Variants in PCDH15 observed in about 807,000 individuals in gnomAD.
PCDH15 encodes the protein protocadherin-15.
In PCDH15, 129 loss-of-function variants were observed where a neutral mutation model predicts 178.5. The observed-to-expected ratio is 0.72, with a 90% CI of 0.63 to 0.84. The LOEUF (loss-of-function observed/expected upper bound fraction) is 0.84, where lower values mean the gene tolerates loss of function less well. Ranked by LOEUF, PCDH15 falls within the 40% of genes least tolerant of loss-of-function variation. The pLI is 0.00. For synonymous variants in PCDH15, 800 were observed against 732.0 expected (o/e 1.09, Z -1.50); for missense variants, 2,230 against 2,099.9 (o/e 1.06, Z -1.21).
intron 2 of PCDH15, among the ~76,000 whole-genome samples, chr10:55,570,918 C>T (rs1467496758): frequency 6.6e-6 from 1 of 151,932 alleles, no homozygotes; most frequent in African/African-American, 2.4e-5. Context: ...TTTAGTTGTT[C>T]CCCATGTTAA....
At chr10:54,329,516 C>T in intron 7 of PCDH15, 80 bp downstream of exon 7, 2 of 1,057,320 alleles carry the variant, frequency 1.9e-6, no homozygotes, top group Admixed American at 3.4e-5. Flanking sequence ...CAGAGCTCTC[C>T]AAGAGTATCT....
At chr10:55,073,252 A>T (rs1841798409) in intron 2 of PCDH15, among the ~76,000 whole-genome samples, 2 of 152,182 alleles carry the variant, frequency 1.3e-5, no homozygotes, top group African/African-American at 4.8e-5. Context: ...TGGCTAGGGC[A>T]ATTAGGCAGG....
At chr10:54,148,336 A>G (rs12243886) in intron 14 of PCDH15, among the ~76,000 whole-genome samples, 2,349 of 152,212 alleles carry the variant, frequency 0.015, 75 homozygotes, top group African/African-American at 0.054. Context: ...ATCTGCAGAT[A>G]ATCAAGGCCC....
intron 2 of PCDH15, among the ~76,000 whole-genome samples, chr10:55,365,683 C>A (rs2131983482): frequency 6.6e-6 from 1 of 152,152 alleles, no homozygotes; most frequent in East Asian, 1.9e-4. Flanking sequence ...GGGGAGTTCC[C>A]CTGCACAAGC....
At chr10:54,994,051 C>T (rs1839575988) in intron 2 of PCDH15, among the ~76,000 whole-genome samples, 1 of 152,006 alleles carries the variant, frequency 6.6e-6, no homozygotes, top group Non-Finnish European at 1.5e-5. Context: ...AAGTTTTAAA[C>T]CCAGATGTCA....
intron 1 of PCDH15, among the ~76,000 whole-genome samples, chr10:55,282,075 T>G (rs200740857): frequency 6.6e-6 from 1 of 152,162 alleles, no homozygotes; most frequent in Non-Finnish European, 1.5e-5. Context: ...GTTTTAAAAA[T>G]GCAAATTCAA....
chr10:55,460,533 C>T (rs1000542756), intron 2 of PCDH15, among the ~76,000 whole-genome samples: 1 of 151,950 alleles, frequency 6.6e-6, no homozygotes, highest in Non-Finnish European at 1.5e-5. Context: ...TCACCGGACG[C>T]GTTTTGGTTT....
chr10:55,580,729 C>A (rs764374550), intron 2 of PCDH15, among the ~76,000 whole-genome samples: 11 of 152,140 alleles, frequency 7.2e-5, no homozygotes, highest in Non-Finnish European at 1.3e-4. Context: ...AAATCTATTT[C>A]TAATCTAATA....
intron 2 of PCDH15, among the ~76,000 whole-genome samples, chr10:55,486,516 A>G (rs938417223): frequency 5.9e-5 from 9 of 151,670 alleles, no homozygotes; most frequent in Non-Finnish European, 1.3e-4. Flanking sequence ...AAAACACACA[A>G]TAAAATTATG....
At chr10:54,171,185 C>T (rs186688270) in intron 13 of PCDH15, among the ~76,000 whole-genome samples, 2,073 of 152,120 alleles carry the variant, frequency 0.014, 47 homozygotes, top group African/African-American at 0.048. Context: ...TTAGTCAAAT[C>T]AGCCAAGCAG....
intron 1 of PCDH15, among the ~76,000 whole-genome samples, chr10:55,174,380 T>C (rs1041703149): frequency 6.6e-6 from 1 of 152,166 alleles, no homozygotes; most frequent in Non-Finnish European, 1.5e-5. Flanking sequence ...ATCCTCATCT[T>C]ACCCACTCTC....
At chr10:55,221,515 G>A (rs924860096) in intron 1 of PCDH15, among the ~76,000 whole-genome samples, 2 of 151,922 alleles carry the variant, frequency 1.3e-5, no homozygotes, top group African/African-American at 2.4e-5. Flanking sequence ...AAATAGAATC[G>A]TGTCGCTACC....
chr10:54,218,400 A>C (rs1008068854), intron 9 of PCDH15, among the ~76,000 whole-genome samples: 10 of 152,234 alleles, frequency 6.6e-5, no homozygotes, highest in African/African-American at 2.2e-4. Context: ...TGAAGCCCTT[A>C]CTCCCAATGT....
At position 54,548,150 on chromosome 10, in the gene PCDH15, T is replaced by A. The variant is rs574195204; in HGVS notation, c.92-20273A>T. ...AAAAAAACCCATATATATATATGTT[T>A]TATATATATATTTATATATTTACAT... On this transcript the variant is annotated intron_variant, in intron 2 of 37. Coordinates refer to ENST00000644397, the MANE Select transcript of PCDH15 (RefSeq NM_001384140.1). Among the ~76,000 whole-genome samples, 247 of 147,304 alleles carry A rather than the reference T, an allele frequency of 1.7e-3. 3 individuals are homozygous for A. Among genetic ancestry groups the A allele is most frequent in the Non-Finnish European group, 3.0e-3 (203 of 66,876 alleles).
intron 14 of PCDH15, among the ~76,000 whole-genome samples, chr10:54,148,806 T>C (rs2044233052): frequency 6.6e-6 from 1 of 152,006 alleles, no homozygotes; most frequent in South Asian, 2.1e-4. Context: ...ATTAGCAGTA[T>C]TTCCTGTAGA....
chr10:54,855,333 T>C (rs1205701733), intron 3 of PCDH15, among the ~76,000 whole-genome samples: 2 of 152,144 alleles, frequency 1.3e-5, no homozygotes, highest in African/African-American at 4.8e-5. Flanking sequence ...CTCTTGGCTC[T>C]GAGAGCACAG....
chr10:54,262,862 A>C (rs936374168), intron 8 of PCDH15, among the ~76,000 whole-genome samples: 2 of 152,166 alleles, frequency 1.3e-5, no homozygotes, highest in Non-Finnish European at 2.9e-5. Flanking sequence ...GGCTTGGGGA[A>C]AGCCTAGTTG....
At chr10:55,146,532 C>G (rs1384807802) in intron 2 of PCDH15, among the ~76,000 whole-genome samples, 1 of 151,896 alleles carries the variant, frequency 6.6e-6, no homozygotes, top group Admixed American at 6.6e-5. Context: ...AGCCCCTATA[C>G]TCAGGTTTCT....
intron 2 of PCDH15, among the ~76,000 whole-genome samples, chr10:54,913,631 C>T (rs1205797611): frequency 2.0e-5 from 3 of 152,086 alleles, no homozygotes; most frequent in South Asian, 2.1e-4. Context: ...ATGGTAGATC[C>T]GTCAACATCT....
Sources: allele counts gnomAD v4.1 joint callset (sites outside exome capture counted in the v4.1 genomes callset), GRCh38; gene constraint gnomAD v4.1.1; transcripts MANE v1.5; gene names NCBI Gene and HGNC (gene_info 2026-07-23, HGNC 2026-07-21).